The following WDR70 variants were observed in gnomAD, a reference collection of about 807,000 sequenced individuals.
WDR70 encodes the protein WD repeat-containing protein 70.
A neutral mutation model predicts 88.6 loss-of-function variants in WDR70; 53 were observed. The ratio of observed to expected loss-of-function variants is 0.60; its 90% CI spans 0.48 to 0.75. The LOEUF (loss-of-function observed/expected upper bound fraction) is 0.75. WDR70 is among the 30% of genes least tolerant of loss of function. The probability of loss-of-function intolerance (pLI) is 0.00; values close to 1 mark genes in which losing one functional copy is unlikely to be tolerated. For synonymous variants in WDR70, 280 were observed against 270.0 expected (o/e 1.04, Z -0.36); for missense variants, 610 against 823.2 (o/e 0.74, Z 3.17).
At chr5:37,618,416 T>G (rs1417728169) in intron 10 of WDR70, among the ~76,000 whole-genome samples, 1 of 152,200 alleles carries the variant, frequency 6.6e-6, no homozygotes, top group Non-Finnish European at 1.5e-5. Flanking sequence ...TTGCCCAGGC[T>G]GGAGTGCAGT....
intron 10 of WDR70, among the ~76,000 whole-genome samples, chr5:37,625,068 T>G (rs1392200779): frequency 1.3e-5 from 2 of 152,192 alleles, no homozygotes; most frequent in Admixed American, 1.3e-4. Flanking sequence ...TTCTAGTTTC[T>G]ATGGCTAGCT....
intron 10 of WDR70, among the ~76,000 whole-genome samples, chr5:37,611,058 G>A (rs1021600472): frequency 1.3e-5 from 2 of 152,106 alleles, no homozygotes; most frequent in Non-Finnish European, 2.9e-5. Flanking sequence ...GTCCCTGGGT[G>A]CCCTCAAGTT....
At chr5:37,422,720 C>A (rs935502775) in intron 5 of WDR70, among the ~76,000 whole-genome samples, 1 of 152,002 alleles carries the variant, frequency 6.6e-6, no homozygotes, top group Non-Finnish European at 1.5e-5. Context: ...TCAGGTGATC[C>A]GCCTGCCTCC....
chr5:37,684,881 C>T (rs534927656), intron 10 of WDR70, among the ~76,000 whole-genome samples: 224 of 152,326 alleles, frequency 1.5e-3, no homozygotes, highest in Non-Finnish European at 2.4e-3. Context: ...GTGCCTGCCT[C>T]TGCACAGGCA....
intron 9 of WDR70, among the ~76,000 whole-genome samples, chr5:37,518,168 G>A (rs966688706): frequency 6.6e-6 from 1 of 151,878 alleles, no homozygotes; most frequent in Non-Finnish European, 1.5e-5. Flanking sequence ...ACCCACTTTG[G>A]CCTCCCAAAG....
intron 9 of WDR70, among the ~76,000 whole-genome samples, chr5:37,576,077 A>C (rs1581406570): frequency 1.3e-3 from 160 of 120,908 alleles, no homozygotes; most frequent in East Asian, 2.0e-3. Flanking sequence ...TTCCTTCCTA[A>C]CTTCCTTCCT....
At chr5:37,412,722 G>C (rs1749563778) in intron 5 of WDR70, among the ~76,000 whole-genome samples, 2 of 152,150 alleles carry the variant, frequency 1.3e-5, no homozygotes. Flanking sequence ...TTTGTCTTCT[G>C]GTCTGAGGCA....
At chr5:37,621,614 G>C (rs1269017435) in intron 10 of WDR70, among the ~76,000 whole-genome samples, 1 of 152,094 alleles carries the variant, frequency 6.6e-6, no homozygotes, top group Non-Finnish European at 1.5e-5. Context: ...GTTCATTGTA[G>C]ATTCTGGATA....
At chr5:37,480,399 A>C (rs540864295) in intron 8 of WDR70, among the ~76,000 whole-genome samples, 1 of 152,120 alleles carries the variant, frequency 6.6e-6, no homozygotes, top group Non-Finnish European at 1.5e-5. Context: ...ATAATGACCT[A>C]TTTGAGACTG....
rs112837282 is a variant in WDR70, at chr5:37,715,250, A to G, written c.1417-5865A>G. On this transcript the variant is annotated intron_variant, in intron 13 of 17. Transcript: ENST00000265107. Reference sequence around the variant, plus strand: ...CCCACATTTATGAAAGTACTATGGCATTTTTTCTTTTCACCATTGCACTCC... The same window carrying G: ...CCCACATTTATGAAAGTACTATGGCGTTTTTTCTTTTCACCATTGCACTCC... 3.3e-4 allele frequency among the ~76,000 whole-genome samples: 49 copies of G among 149,014 alleles called. 1 individual carries two copies. Among genetic ancestry groups the G allele is most frequent in the African/African-American group, 1.1e-3 (43 of 40,102 alleles).
At chr5:37,508,622 A>G (rs1172506177) in intron 8 of WDR70, among the ~76,000 whole-genome samples, 2 of 152,250 alleles carry the variant, frequency 1.3e-5, no homozygotes, top group Non-Finnish European at 2.9e-5. Flanking sequence ...TTGTTAAACC[A>G]GACTTGTATT....
intron 17 of WDR70, among the ~76,000 whole-genome samples, chr5:37,734,627 G>A (rs181570931): frequency 2.0e-5 from 3 of 152,144 alleles, no homozygotes; most frequent in African/African-American, 7.2e-5. Context: ...ATAAAAGGGG[G>A]ACATAGAGTA....
chr5:37,386,458 CTG>C (rs1748619632), intron 3 of WDR70, among the ~76,000 whole-genome samples: 1 of 152,162 alleles, frequency 6.6e-6, no homozygotes, highest in South Asian at 2.1e-4. Context: ...TCCCCAGTAG[CTG>C]GGATTATAGG....
Position 37,744,024 on chromosome 5 carries a change from G to A in WDR70, c.1878-8462G>A, listed in dbSNP as rs1405871386. The stretch of plus-strand genomic sequence containing the variant: ...TACAAGAGCAATTCTACTGGCATCA[G>A]GTTGGTGCCCCTCGAGGTTAGAGGT... On this transcript the variant is annotated intron_variant, in intron 17 of 17. Transcript: ENST00000265107. Among the ~76,000 whole-genome samples the A allele has an allele frequency of 1.3e-5, 2 of 152,292 alleles. 1 individual carries two copies. The highest frequency in any genetic ancestry group is 4.2e-4 in the South Asian group (2 of 4,814).
intron 13 of WDR70, among the ~76,000 whole-genome samples, chr5:37,705,990 A>G (rs1272953965): frequency 1.3e-5 from 2 of 152,246 alleles, no homozygotes; most frequent in African/African-American, 4.8e-5. Context: ...CTCAGTATAC[A>G]TATGTGGAGC....
In WDR70 at chr5:37,514,339, C is replaced by CATACATACATATATATATATATATATAT. The variant is rs1330415670; in HGVS notation, c.841-2172_841-2171insCATACATATATATATATATATATATATA. Among the ~76,000 whole-genome samples the CATACATACATATATATATATATATATAT allele has an allele frequency of 1.5e-3, 43 of 28,740 alleles. 2 individuals carry two copies. Among genetic ancestry groups the CATACATACATATATATATATATATATAT allele is most frequent in the African/African-American group, 2.4e-3 (43 of 17,912 alleles). 18.9% of individuals were successfully genotyped at this position (28,740 alleles called of 152,430 possible). On this transcript the variant is annotated intron_variant, in intron 8 of 17. Transcript: ENST00000265107. ...CGACATTATGGCATATTTAGAACTA[C>CATACATACATATATATATATATATATAT]ATATATATATATATATATATGTATG...
At chr5:37,468,435 A>G (rs1389984416) in intron 7 of WDR70, among the ~76,000 whole-genome samples, 2 of 152,198 alleles carry the variant, frequency 1.3e-5, no homozygotes, top group Non-Finnish European at 2.9e-5. Context: ...CAGCTTTAAA[A>G]AATTTTATTT....
intron 10 of WDR70, among the ~76,000 whole-genome samples, chr5:37,639,288 A>T (rs1035962619): frequency 6.6e-6 from 1 of 152,198 alleles, no homozygotes; most frequent in Non-Finnish European, 1.5e-5. Context: ...TTCCTGGTGG[A>T]TATGGAAATT....
chr5:37,409,577 C>G (rs1749460088), intron 5 of WDR70, among the ~76,000 whole-genome samples: 1 of 151,392 alleles, frequency 6.6e-6, no homozygotes, highest in Non-Finnish European at 1.5e-5. Flanking sequence ...CGATCTCGTC[C>G]CCCTGCAACC....
Sources: gnomAD v4.1 joint callset for allele counts (sites outside exome capture counted in the v4.1 genomes callset) on GRCh38, gnomAD v4.1.1 for gene constraint, MANE v1.5 for transcripts, NCBI Gene and HGNC (gene_info 2026-07-23, HGNC 2026-07-21) for gene names.